SPAG16: variants seen among roughly 807,000 people sequenced by gnomAD.
SPAG16 encodes sperm associated antigen 16, also known as sperm-associated antigen 16 protein.
SPAG16 carries 86 observed loss-of-function variants against 80.4 expected under a neutral mutation model. The observed-to-expected ratio is 1.07, with a 90% confidence interval of 0.90 to 1.28. SPAG16 has a LOEUF of 1.28. SPAG16 is among the 50% of genes most tolerant of loss of function. SPAG16 has a pLI of 0.00. For synonymous variants in SPAG16, 294 were observed against 265.9 expected (o/e 1.11, Z -1.03); for missense variants, 870 against 765.3 (o/e 1.14, Z -1.61).
rs116094788 is a variant in SPAG16 at position 214,310,149 on chromosome 2, G to A, written c.1721-99991G>A. Among the ~76,000 whole-genome samples the A allele has an allele frequency of 5.8e-3, 852 of 147,968 alleles. 12 individuals are homozygous for A. Among genetic ancestry groups the A allele is most frequent in the African/African-American group, 0.02 (810 of 40,084 alleles). The stretch of plus-strand genomic sequence containing the variant: ...TGATTCCTTCTCTTCTAAAGAAACC[G>A]TCATTTTCTTTCTTTCTTTTTTTTT... On this transcript the variant is annotated intron_variant, in intron 15 of 15. Transcript: ENST00000331683.
At chr2:213,848,118 T>C (rs963979262) in intron 10 of SPAG16, among the ~76,000 whole-genome samples, 14 of 152,172 alleles carry the variant, frequency 9.2e-5, no homozygotes, top group Non-Finnish European at 8.8e-5. Context: ...TAATAAATTA[T>C]GCAACTGAAT....
At chr2:213,417,412 A>G (rs1349028747) in intron 9 of SPAG16, among the ~76,000 whole-genome samples, 4 of 152,248 alleles carry the variant, frequency 2.6e-5, no homozygotes, top group Admixed American at 1.3e-4. Flanking sequence ...TCATACTTCT[A>G]AGAAATTACT....
At chr2:213,611,660 G>A (rs1177359311) in intron 10 of SPAG16, among the ~76,000 whole-genome samples, 2 of 151,836 alleles carry the variant, frequency 1.3e-5, no homozygotes, top group Non-Finnish European at 2.9e-5. Context: ...AAATGTCCAG[G>A]GTAAATGGAG....
intron 15 of SPAG16, among the ~76,000 whole-genome samples, chr2:214,206,005 C>T (rs900634364): frequency 6.7e-6 from 1 of 150,018 alleles, no homozygotes; most frequent in Non-Finnish European, 1.5e-5. Context: ...ACACCCTGAC[C>T]AACATGGTGA....
chr2:214,209,910 C>T (rs2058245572), intron 15 of SPAG16, among the ~76,000 whole-genome samples: 1 of 152,126 alleles, frequency 6.6e-6, no homozygotes, highest in African/African-American at 2.4e-5. Flanking sequence ...CTAAGGCCAT[C>T]TACAGTGTTT....
chr2:213,947,078 T>C lies in SPAG16; in HGVS notation c.1400+16933T>C, dbSNP rs190581772. Among the ~76,000 whole-genome samples the C allele has an allele frequency of 9.2e-5, 14 of 152,258 alleles. No homozygotes were observed. The East Asian group carries it at 2.7e-3, about 29-fold the overall frequency. ...AATAGTCTATTGTATATAAACATCATAGTTTATTTATTCACTCCTTGAAGG... is the reference window on the plus strand; with the variant it reads ...AATAGTCTATTGTATATAAACATCACAGTTTATTTATTCACTCCTTGAAGG... On this transcript the variant is annotated intron_variant, in intron 12 of 15. Coordinates refer to ENST00000331683, the MANE Select transcript of SPAG16 (RefSeq NM_024532.5).
intron 10 of SPAG16, among the ~76,000 whole-genome samples, chr2:213,648,377 A>G (rs889529086): frequency 1.1e-4 from 16 of 152,186 alleles, no homozygotes; most frequent in African/African-American, 3.9e-4. Flanking sequence ...ACAAAACTCT[A>G]TATTCATTGG....
intron 12 of SPAG16, among the ~76,000 whole-genome samples, chr2:213,950,262 T>C (rs2079684024): frequency 6.6e-6 from 1 of 152,170 alleles, no homozygotes; most frequent in African/African-American, 2.4e-5. Context: ...TGCAAATGTA[T>C]CTTTATTTTT....
intron 10 of SPAG16, among the ~76,000 whole-genome samples, chr2:213,799,281 T>G (rs1159447515): frequency 6.6e-6 from 1 of 152,186 alleles, no homozygotes; most frequent in Admixed American, 6.5e-5. Context: ...TATAAATTTT[T>G]CACTTATTTT....
chr2:213,766,371 T>C (rs2068938919), intron 10 of SPAG16, among the ~76,000 whole-genome samples: 1 of 152,216 alleles, frequency 6.6e-6, no homozygotes, highest in Admixed American at 6.5e-5. Context: ...TGTACACTTT[T>C]AAATGGTGAA....
chr2:213,526,548 A>T (rs2075893264), intron 10 of SPAG16, among the ~76,000 whole-genome samples: 1 of 152,124 alleles, frequency 6.6e-6, no homozygotes, highest in South Asian at 2.1e-4. Flanking sequence ...GGCTGCACAG[A>T]TGTCAACTTG....
chr2:214,112,504 G>T (rs1456831153), intron 14 of SPAG16, among the ~76,000 whole-genome samples: 1 of 152,148 alleles, frequency 6.6e-6, no homozygotes, highest in Admixed American at 6.5e-5. Context: ...CCTGTAATGG[G>T]TGCATATATA....
chr2:213,742,557 T>TTG (rs1559428587), intron 10 of SPAG16, among the ~76,000 whole-genome samples: 14 of 150,538 alleles, frequency 9.3e-5, no homozygotes, highest in African/African-American at 3.2e-4. Context: ...CTTTTTTTTT[T>TTG]TTTTTTTTTT....
intron 15 of SPAG16, among the ~76,000 whole-genome samples, chr2:214,166,243 C>G (rs1217152505): frequency 3.9e-5 from 6 of 152,130 alleles, no homozygotes; most frequent in African/African-American, 7.2e-5. Flanking sequence ...TGCTCATTCT[C>G]CATTGGCCCC....
At chr2:214,090,975 A>G (rs1189532512) in intron 13 of SPAG16, among the ~76,000 whole-genome samples, 2 of 152,100 alleles carry the variant, frequency 1.3e-5, no homozygotes, top group African/African-American at 4.8e-5. Flanking sequence ...TATTACTTTT[A>G]GTTTAGTTTC....
chr2:213,831,419 T>C (rs60318469), intron 10 of SPAG16, among the ~76,000 whole-genome samples: 158 of 152,222 alleles, frequency 1.0e-3, no homozygotes, highest in African/African-American at 3.8e-3. Flanking sequence ...AGGTGTTTTT[T>C]TTTTTTTAAC....
At chr2:213,892,909 CA>C (rs2076839964) in intron 11 of SPAG16, among the ~76,000 whole-genome samples, 1 of 151,938 alleles carries the variant, frequency 6.6e-6, no homozygotes, top group Non-Finnish European at 1.5e-5. Flanking sequence ...CATATTTTTC[CA>C]AACTTGTGTG....
At chr2:213,871,865 CACACACACACACACAGAGAGAGAGAG>C (rs751667698) in intron 11 of SPAG16, among the ~76,000 whole-genome samples, 6,944 of 107,136 alleles carry the variant, frequency 0.065, 206 homozygotes, top group East Asian at 0.14. Flanking sequence ...CACACACACA[CACACACACACACACAGAGAGAGAGAG>C]AGAGAGAGCA....
chr2:213,935,404 A>G (rs942998791), intron 12 of SPAG16, among the ~76,000 whole-genome samples: 1 of 152,092 alleles, frequency 6.6e-6, no homozygotes, highest in African/African-American at 2.4e-5. Flanking sequence ...AGGAGTAGTA[A>G]TGGAAATTTT....
Sources: gnomAD v4.1 joint callset for allele counts (sites outside exome capture counted in the v4.1 genomes callset) on GRCh38, gnomAD v4.1.1 for gene constraint, MANE v1.5 for transcripts, NCBI Gene and HGNC (gene_info 2026-07-23, HGNC 2026-07-21) for gene names.